Variants in GRM5 observed in about 807,000 individuals in gnomAD.
GRM5 encodes the protein metabotropic glutamate receptor 5.
GRM5 carries 19 observed loss-of-function variants against 83.1 expected under a neutral mutation model. That is an observed-to-expected ratio of 0.23 (90% confidence interval 0.16 to 0.34). The LOEUF (loss-of-function observed/expected upper bound fraction) is 0.34, where lower values mean the gene tolerates loss of function less well. Ranked by LOEUF, GRM5 falls within the 10% of genes least tolerant of loss-of-function variation. The pLI is 1.00. For missense variants in GRM5, 1,160 were observed against 1,588.3 expected (o/e 0.73, Z 4.58); for synonymous variants, 675 against 633.6 (o/e 1.07, Z -0.98).
chr11:88,850,189 G>T (rs1320702256), intron 2 of GRM5, 34 bp from the exon 3 acceptor site: 4 of 924,762 alleles, frequency 4.3e-6, no homozygotes, highest in Admixed American at 3.7e-5. Flanking sequence ...GAGGGATAGT[G>T]AAATGAGAGT....
intron 2 of GRM5, among the ~76,000 whole-genome samples, chr11:88,911,492 A>G (rs1004022121): frequency 6.6e-5 from 10 of 152,130 alleles, no homozygotes; most frequent in African/African-American, 2.4e-4. Context: ...ACTTTCCCTC[A>G]CTGTTGGAAT....
In GRM5 at chr11:88,604,807, C is replaced by T. The variant is rs759883310; in HGVS notation, c.1305G>A (p.Arg435=). The part of the protein sequence containing the change: ...LCDAMKPIDG[R]KLLESLMKTN... Reference sequence around the variant, plus strand: ...TTTTCATCAGGGACTCCAAAAGTTTCCGTCCATCAATTGGCTTCATGGCAT... The same window carrying T: ...TTTTCATCAGGGACTCCAAAAGTTTTCGTCCATCAATTGGCTTCATGGCAT... The change falls in exon 5 of 10, where the codon CGG becomes CGA. Residue 435 remains arginine, a synonymous_variant. Coordinates refer to ENST00000305447, the MANE Select transcript of GRM5 (RefSeq NM_001143831.3). 3.1e-6 allele frequency: 5 copies of T among 1,613,444 alleles called. No individual in the cohort carries two copies. In the African/African-American group the frequency reaches 6.7e-5, roughly 22 times the overall value.
At chr11:88,951,064 A>G (rs1159544484) in intron 2 of GRM5, among the ~76,000 whole-genome samples, 1 of 134,166 alleles carries the variant, frequency 7.5e-6, no homozygotes, top group Non-Finnish European at 1.6e-5. Flanking sequence ...TTTTTCTCAA[A>G]TGGCAGATTA....
intron 2 of GRM5, among the ~76,000 whole-genome samples, chr11:88,894,078 T>C (rs548794331): frequency 2.2e-4 from 34 of 152,098 alleles, no homozygotes; most frequent in Non-Finnish European, 4.1e-4. Context: ...ATTTTCAAGA[T>C]GGTGGCTCCA....
intron 3 of GRM5, among the ~76,000 whole-genome samples, chr11:88,835,657 G>A (rs1944081146): frequency 6.6e-6 from 1 of 152,146 alleles, no homozygotes; most frequent in Admixed American, 6.5e-5. Context: ...AACTGGGGAT[G>A]ATGGGATGAG....
intron 5 of GRM5, among the ~76,000 whole-genome samples, chr11:88,598,000 AAG>A (rs1230748008): frequency 6.6e-6 from 1 of 152,114 alleles, no homozygotes; most frequent in Non-Finnish European, 1.5e-5. Flanking sequence ...GAAATGTAAA[AAG>A]AGAAAATCAA....
chr11:88,674,447 C>G (rs1378363116), intron 3 of GRM5, among the ~76,000 whole-genome samples: 1 of 151,872 alleles, frequency 6.6e-6, no homozygotes, highest in Non-Finnish European at 1.5e-5. Context: ...TTCCTGTGCT[C>G]TAGATTAAAA....
At chr11:89,030,291 T>C (rs1312114062) in intron 2 of GRM5, among the ~76,000 whole-genome samples, 1 of 152,132 alleles carries the variant, frequency 6.6e-6, no homozygotes, top group East Asian at 1.9e-4. Flanking sequence ...CAAATGCTTT[T>C]TTTCTTATAC....
At chr11:88,840,360 G>A (rs1266349885) in intron 3 of GRM5, among the ~76,000 whole-genome samples, 6 of 151,974 alleles carry the variant, frequency 3.9e-5, no homozygotes, top group Non-Finnish European at 7.4e-5. Context: ...TCCTCATCTG[G>A]CACTGGTCCA....
rs758811838 is a variant in GRM5 at position 88,508,733 on chromosome 11, C to A, written c.3498G>T (p.Pro1166=). Residue 1166 remains proline, a synonymous_variant, in exon 10 of 10, where the codon CCG becomes CCT. Transcript: ENST00000305447. This position sits in a 1 kb window ranked among gnomAD's most constrained non-coding sequence, Gnocchi z 4.2. The part of the protein sequence containing the change: ...DLEELVALTP[P]SPFRDSVDSG... ...AGTCCACCGAGTCTCTGAAGGGGGA[C>A]GGCGGGGTGAGAGCCACCAGCTCCT... is the stretch of plus-strand genomic sequence containing the variant. 6.3e-7 allele frequency: 1 copy of A among 1,580,856 alleles called. No homozygotes were observed. The highest frequency in any genetic ancestry group is 1.4e-5 in the African/African-American group (1 of 71,902).
chr11:88,984,710 A>G (rs770903008), intron 2 of GRM5: 1 of 640,790 alleles, frequency 1.6e-6, no homozygotes, highest in South Asian at 1.8e-5. Flanking sequence ...AGTTTATGTA[A>G]CATTCAAACG....
intron 2 of GRM5, among the ~76,000 whole-genome samples, chr11:88,947,901 T>C (rs551030303): frequency 2.0e-5 from 3 of 152,278 alleles, no homozygotes; most frequent in East Asian, 1.9e-4. Context: ...GAAACAACTG[T>C]TTACTTGTAA....
At chr11:88,729,493 C>T (rs980887324) in intron 3 of GRM5, among the ~76,000 whole-genome samples, 2 of 152,150 alleles carry the variant, frequency 1.3e-5, no homozygotes, top group African/African-American at 4.8e-5. Flanking sequence ...CATCAGGCTA[C>T]CATTGACTTT....
intron 2 of GRM5, among the ~76,000 whole-genome samples, chr11:88,919,829 A>C (rs1388281154): frequency 3.9e-5 from 6 of 152,060 alleles, no homozygotes; most frequent in Admixed American, 6.6e-5. Context: ...TTAAAACAAA[A>C]GTTTTAAAAA....
intron 3 of GRM5, among the ~76,000 whole-genome samples, chr11:88,790,113 C>G (rs1204511766): frequency 6.6e-6 from 1 of 152,300 alleles, no homozygotes; most frequent in South Asian, 2.1e-4. Context: ...ATCCACCCTC[C>G]TCAGCCTCCC....
In GRM5 at chr11:88,771,835, C is replaced by T. The variant is rs925138318; in HGVS notation, c.911+78071G>A. ...AATAGCTCAATAATTTTTATATAAT[C>T]GGCATACAGAAAAGTTTCATCTCCC... On this transcript the variant is annotated intron_variant, in intron 3 of 9. Transcript: ENST00000305447. Among the ~76,000 whole-genome samples the T allele has an allele frequency of 1.1e-4, 16 of 152,076 alleles. No homozygotes were observed. The South Asian group carries it at 1.4e-3, about 14-fold the overall frequency.
intron 2 of GRM5, among the ~76,000 whole-genome samples, chr11:88,911,461 T>G (rs1945497424): frequency 6.6e-6 from 1 of 152,182 alleles, no homozygotes; most frequent in South Asian, 2.1e-4. Flanking sequence ...AGCATATAGA[T>G]TTTTTGTACT....
intron 2 of GRM5, among the ~76,000 whole-genome samples, chr11:88,966,941 C>A (rs1392669037): frequency 6.6e-6 from 1 of 152,040 alleles, no homozygotes; most frequent in Non-Finnish European, 1.5e-5. Flanking sequence ...ATAAAGACTG[C>A]ATTTTCCACC....
chr11:88,748,712 C>T (rs376709838), intron 3 of GRM5, among the ~76,000 whole-genome samples: 11 of 152,168 alleles, frequency 7.2e-5, no homozygotes, highest in African/African-American at 2.2e-4. Flanking sequence ...GGTCAGTACC[C>T]CCCCAGGACC....
Sources: allele counts gnomAD v4.1 joint callset (sites outside exome capture counted in the v4.1 genomes callset), GRCh38; gene constraint gnomAD v4.1.1; non-coding constraint Gnocchi (gnomAD v3.1); transcripts MANE v1.5; gene names NCBI Gene and HGNC (gene_info 2026-07-23, HGNC 2026-07-21).